Variants in RPS6KA2 observed in about 807,000 individuals in gnomAD.
RPS6KA2 encodes the protein ribosomal protein S6 kinase alpha-2.
RPS6KA2 carries 42 observed loss-of-function variants against 91.8 expected under a neutral mutation model. The observed-to-expected ratio is 0.46, with a 90% CI of 0.36 to 0.59. RPS6KA2 has a LOEUF of 0.59. Ranked by LOEUF, RPS6KA2 falls within the 20% of genes least tolerant of loss-of-function variation. The pLI is 0.00. For synonymous variants in RPS6KA2, 414 were observed against 393.6 expected, an observed-to-expected ratio of 1.05 and a Z score of -0.61; for missense variants, 798 against 978.5, an observed-to-expected ratio of 0.82 and a Z score of 2.46.
At chr6:166,444,735 C>A (rs962719588) in intron 14 of RPS6KA2, among the ~76,000 whole-genome samples, 4 of 152,322 alleles carry the variant, frequency 2.6e-5, no homozygotes, top group African/African-American at 9.6e-5. Context: ...GAGGGAGGGA[C>A]AAGCCTGGGA....
chr6:166,780,438 A>G (rs1160628604), intron 2 of RPS6KA2, among the ~76,000 whole-genome samples: 1 of 152,222 alleles, frequency 6.6e-6, no homozygotes, highest in Admixed American at 6.5e-5. Flanking sequence ...TCACAGCCCC[A>G]GCGGGAGCCA....
intron 2 of RPS6KA2, among the ~76,000 whole-genome samples, chr6:166,845,862 G>C (rs9366063): frequency 0.74 from 112,465 of 151,910 alleles, 42,721 homozygotes; most frequent in Non-Finnish European, 0.83. Flanking sequence ...ATAAAGATCA[G>C]AGCAGACCTA....
chr6:166,498,396 G>A lies in RPS6KA2; in HGVS notation c.747+112C>T, dbSNP rs1781873045. 2.4e-6 allele frequency: 3 copies of A among 1,244,722 alleles called. No homozygotes were observed. The African/African-American group carries it at 4.7e-5, about 19-fold the overall frequency. 77.1% of individuals were successfully genotyped at this position (1,244,722 alleles called of 1,614,324 possible). A position where few individuals can be genotyped will look rare whatever the true frequency, so the allele number is the denominator to read the frequency against. On this transcript the variant is annotated intron_variant, in intron 8 of 20. Transcript: ENST00000265678. ...CCTGGACACTTGCCCAGTGTCCCAA[G>A]CCCTCAGGCACTGCCTTCTTCCGCA...
intron 2 of RPS6KA2, among the ~76,000 whole-genome samples, chr6:166,538,067 T>C (rs552000062): frequency 1.3e-5 from 2 of 152,380 alleles, no homozygotes; most frequent in East Asian, 3.9e-4. Flanking sequence ...ACAATTCCAC[T>C]GCACAAATAC....
chr6:166,414,311 C>T (rs1160954976), intron 19 of RPS6KA2, among the ~76,000 whole-genome samples: 2 of 152,056 alleles, frequency 1.3e-5, no homozygotes, highest in African/African-American at 2.4e-5. Context: ...CATAATGATG[C>T]ACATACTTAC....
chr6:166,748,654 A>T (rs1202806019), intron 2 of RPS6KA2, among the ~76,000 whole-genome samples: 5 of 51,396 alleles, frequency 9.7e-5, no homozygotes, highest in South Asian at 1.9e-3. Flanking sequence ...TTGGGCCCCC[A>T]CCTCCTCAGG....
At chr6:166,678,511 C>G (rs1289938921) in intron 2 of RPS6KA2, among the ~76,000 whole-genome samples, 1 of 152,172 alleles carries the variant, frequency 6.6e-6, no homozygotes, top group Non-Finnish European at 1.5e-5. Flanking sequence ...TGCCTTCAAT[C>G]CTTCTCTCTT....
intron 2 of RPS6KA2, among the ~76,000 whole-genome samples, chr6:166,828,837 A>G (rs530851508): frequency 6.6e-6 from 1 of 152,250 alleles, no homozygotes. Flanking sequence ...AGACGTCATC[A>G]AAATGTAAAA....
In RPS6KA2 at chr6:166,727,282, T is replaced by A. The variant is rs115449757; in HGVS notation, c.123+130918A>T. Among the ~76,000 whole-genome samples, 596 of 152,010 alleles carry A rather than the reference T, an allele frequency of 3.9e-3. 5 individuals carry two copies. The highest frequency in any genetic ancestry group is 0.014 in the African/African-American group (578 of 41,354). ...ATGCAGTTTACATCATATTATTATA[T>A]CGCATCTTATAATTATAGATCATAC... On this transcript the variant is annotated intron_variant, in intron 2 of 21. Coordinates refer to the RPS6KA2 transcript ENST00000503859.
chr6:166,693,210 C>A (rs1189003110), intron 2 of RPS6KA2, among the ~76,000 whole-genome samples: 2 of 152,220 alleles, frequency 1.3e-5, no homozygotes, highest in African/African-American at 4.8e-5. Flanking sequence ...CCGCAGCTCG[C>A]AGGAGGTGCT....
chr6:166,647,998 T>TCA (rs1302525275), intron 2 of RPS6KA2, among the ~76,000 whole-genome samples: 1 of 80,846 alleles, frequency 1.2e-5, no homozygotes, highest in Admixed American at 1.2e-4. Flanking sequence ...ACGCACATGC[T>TCA]CACACACGCA....
chr6:166,466,292 C>T (rs1780518253), intron 11 of RPS6KA2, among the ~76,000 whole-genome samples: 1 of 152,220 alleles, frequency 6.6e-6, no homozygotes. Context: ...CTGCTCAGAG[C>T]TCGCCGGACC....
chr6:166,735,576 C>T (rs192819881), intron 2 of RPS6KA2, among the ~76,000 whole-genome samples: 6 of 152,186 alleles, frequency 3.9e-5, no homozygotes, highest in Non-Finnish European at 5.9e-5. Context: ...CGCAACTAAA[C>T]GGTCTCATGT....
rs115974319 is a variant in RPS6KA2, at chr6:166,448,261, T to C, written c.1332+463A>G. Among the ~76,000 whole-genome samples the C allele has an allele frequency of 9.9e-3, 1,506 of 152,300 alleles. 26 individuals are homozygous for C. Among genetic ancestry groups the C allele is most frequent in the African/African-American group, 0.034 (1,432 of 41,556 alleles). ...TCCTCCCTTTTTTCTTTCCTTCCTTTCCTTGCCAAATTCTATACCTGTCCC... is the reference window on the plus strand; with the variant it reads ...TCCTCCCTTTTTTCTTTCCTTCCTTCCCTTGCCAAATTCTATACCTGTCCC... On this transcript the variant is annotated intron_variant, in intron 14 of 20. Transcript: ENST00000265678. The surrounding 1 kb of genome is among the most constrained non-coding windows in gnomAD (Gnocchi z 4.7).
Position 166,412,915 on chromosome 6 carries a change from C to A in RPS6KA2, c.2077-28G>T. ...GCAAAACAGAAGACAAGGGTGAGAG[C>A]CGCGGCGCCTCACTCCAGGGGTTGA... On this transcript the variant is annotated intron_variant, in intron 20 of 20. Coordinates refer to ENST00000265678, the MANE Select transcript of RPS6KA2 (RefSeq NM_021135.6). The surrounding 1 kb of genome is among the most constrained non-coding windows in gnomAD (Gnocchi z 4.3). 1.3e-6 allele frequency: 2 copies of A among 1,535,380 alleles called. No homozygotes were observed. The highest frequency in any genetic ancestry group is 1.2e-5 in the South Asian group (1 of 83,084).
At chr6:166,474,431 GA>G (rs1562519662) in intron 10 of RPS6KA2, among the ~76,000 whole-genome samples, 1 of 152,170 alleles carries the variant, frequency 6.6e-6, no homozygotes, top group Non-Finnish European at 1.5e-5. Flanking sequence ...TCAGCACATC[GA>G]ATTCCTTTCT....
chr6:166,725,928 A>G (rs1368059067), intron 2 of RPS6KA2, among the ~76,000 whole-genome samples: 1 of 152,222 alleles, frequency 6.6e-6, no homozygotes, highest in African/African-American at 2.4e-5. Context: ...AGGAGCTCAC[A>G]GAGGCAGCTT....
intron 2 of RPS6KA2, among the ~76,000 whole-genome samples, chr6:166,831,960 A>T (rs1169184280): frequency 6.6e-6 from 1 of 152,056 alleles, no homozygotes; most frequent in Non-Finnish European, 1.5e-5. Flanking sequence ...ATAGCTACAT[A>T]GATACATACG....
chr6:166,647,305 C>T (rs1272679575), intron 2 of RPS6KA2, among the ~76,000 whole-genome samples: 1 of 152,154 alleles, frequency 6.6e-6, no homozygotes, highest in African/African-American at 2.4e-5. Flanking sequence ...TGCGTTTGAT[C>T]GCTCTGTCAC....
Sources: gnomAD v4.1 joint callset for allele counts (sites outside exome capture counted in the v4.1 genomes callset) on GRCh38, gnomAD v4.1.1 for gene constraint, Gnocchi (gnomAD v3.1) non-coding constraint, MANE v1.5 for transcripts, NCBI Gene and HGNC (gene_info 2026-07-23, HGNC 2026-07-21) for gene names.